Variants in KIF26B observed in about 807,000 individuals in gnomAD.
KIF26B encodes the protein kinesin-like protein KIF26B.
A neutral mutation model predicts 151.2 loss-of-function variants in KIF26B; 63 were observed. The observed-to-expected ratio is 0.42, with a 90% CI of 0.34 to 0.51. The LOEUF (loss-of-function observed/expected upper bound fraction) is 0.51, where lower values mean the gene tolerates loss of function less well. Among genes scored for constraint, KIF26B ranks in the 20% least tolerant of loss-of-function variants. The probability of loss-of-function intolerance (pLI) is 0.07; values close to 1 mark genes in which losing one functional copy is unlikely to be tolerated. For synonymous variants in KIF26B, 1,357 were observed against 1,262.1 expected (o/e 1.08, Z -1.59); for missense variants, 2,813 against 2,913.6 (o/e 0.97, Z 0.79).
intron 5 of KIF26B, among the ~76,000 whole-genome samples, chr1:245,545,585 G>A (rs187938052): frequency 9.2e-5 from 14 of 152,226 alleles, no homozygotes; most frequent in Non-Finnish European, 1.8e-4. Context: ...TCTGATTTAA[G>A]GAAAAATCAG....
intron 10 of KIF26B, among the ~76,000 whole-genome samples, chr1:245,680,565 T>C (rs558703860): frequency 3.5e-4 from 54 of 152,154 alleles, no homozygotes; most frequent in Non-Finnish European, 6.2e-4. Context: ...CGATGTTCTC[T>C]CTCAATTCTG....
chr1:245,168,228 T>A (rs1236274926), intron 2 of KIF26B, among the ~76,000 whole-genome samples: 1 of 152,210 alleles, frequency 6.6e-6, no homozygotes, highest in Non-Finnish European at 1.5e-5. Flanking sequence ...GAAGCTGTTC[T>A]GTGGGCTGCC....
At chr1:245,254,495 A>G (rs975852449) in intron 2 of KIF26B, among the ~76,000 whole-genome samples, 2 of 152,152 alleles carry the variant, frequency 1.3e-5, no homozygotes, top group Non-Finnish European at 2.9e-5. Context: ...TTTTCGAATG[A>G]TGACTTATTT....
chr1:245,684,422 G>A, intron 11 of KIF26B, 27 bp downstream of exon 11: 1 of 1,552,148 alleles, frequency 6.4e-7, no homozygotes, highest in Non-Finnish European at 8.7e-7. Flanking sequence ...GTGGGGGGGT[G>A]GTGGATGAGG....
intron 2 of KIF26B, among the ~76,000 whole-genome samples, chr1:245,319,115 G>A (rs768193207): frequency 3.3e-5 from 5 of 152,172 alleles, no homozygotes; most frequent in Admixed American, 2.6e-4. Flanking sequence ...TTTCCTTTAA[G>A]TTACAGCTCC....
chr1:245,401,949 C>G (rs575567038), intron 3 of KIF26B, among the ~76,000 whole-genome samples: 1 of 151,706 alleles, frequency 6.6e-6, no homozygotes, highest in South Asian at 2.1e-4. Context: ...ACAACAACAA[C>G]AAAAAAAACA....
At chr1:245,435,128 TACCC>T (rs1293384265) in intron 4 of KIF26B, among the ~76,000 whole-genome samples, 253 of 118,740 alleles carry the variant, frequency 2.1e-3, no homozygotes, top group African/African-American at 7.7e-3. Context: ...TCTCTCCATC[TACCC>T]ATCCATCCAT....
intron 2 of KIF26B, among the ~76,000 whole-genome samples, chr1:245,169,262 C>G: frequency 6.6e-6 from 1 of 151,702 alleles, no homozygotes; most frequent in East Asian, 1.9e-4. Context: ...GACATTCTAC[C>G]CTTTATTTCT....
chr1:245,277,223 C>A (rs1670955625), intron 2 of KIF26B, among the ~76,000 whole-genome samples: 1 of 152,170 alleles, frequency 6.6e-6, no homozygotes, highest in Non-Finnish European at 1.5e-5. Flanking sequence ...TCTAAGCCAG[C>A]AGGCTTGTGG....
intron 4 of KIF26B, among the ~76,000 whole-genome samples, chr1:245,462,771 G>C (rs1659678443): frequency 6.6e-6 from 1 of 152,156 alleles, no homozygotes; most frequent in Non-Finnish European, 1.5e-5. Flanking sequence ...GCTGGGATTT[G>C]GGCTCCAGGT....
At chr1:245,583,492 T>C (rs1341358936) in intron 5 of KIF26B, among the ~76,000 whole-genome samples, 1 of 152,204 alleles carries the variant, frequency 6.6e-6, no homozygotes, top group Non-Finnish European at 1.5e-5. Flanking sequence ...AAGCCTGACC[T>C]TGACCTGCTG....
chr1:245,261,940 C>T (rs954643122), intron 2 of KIF26B, among the ~76,000 whole-genome samples: 4 of 152,092 alleles, frequency 2.6e-5, no homozygotes, highest in Non-Finnish European at 2.9e-5. Flanking sequence ...TGGGAGATAC[C>T]GATGGCCCCT....
At chr1:245,300,551 CAG>C (rs1671412559) in intron 2 of KIF26B, among the ~76,000 whole-genome samples, 1 of 147,948 alleles carries the variant, frequency 6.8e-6, no homozygotes, top group South Asian at 2.1e-4. Context: ...TTTTTTGAGG[CAG>C]AGTCTTGCTC....
At chr1:245,676,976 T>C (rs1471001707) in intron 10 of KIF26B, among the ~76,000 whole-genome samples, 1 of 152,120 alleles carries the variant, frequency 6.6e-6, no homozygotes, top group Non-Finnish European at 1.5e-5. Context: ...GAAGAACGCG[T>C]CTCTCCCACG....
At chr1:245,184,405 G>T (rs1019291624) in intron 2 of KIF26B, among the ~76,000 whole-genome samples, 3 of 152,176 alleles carry the variant, frequency 2.0e-5, no homozygotes, top group Middle Eastern at 3.4e-3. Flanking sequence ...TCCTGGGTTG[G>T]CTTTAGACTC....
Position 245,167,920 on chromosome 1 carries a change from G to A in KIF26B, c.465+11237G>A, listed in dbSNP as rs1668640836. On this transcript the variant is annotated intron_variant, in intron 2 of 14. Coordinates refer to ENST00000407071, the MANE Select transcript of KIF26B (RefSeq NM_018012.4). The surrounding 1 kb of genome is among the most constrained non-coding windows in gnomAD (Gnocchi z 4.2). ...GGGCGAGGAAACAAAGAAATGGGTG[G>A]TATACGCATCCAAGGTTGTCTACAA... Among the ~76,000 whole-genome samples, 1 of 152,126 alleles carries A rather than the reference G, an allele frequency of 6.6e-6. No homozygotes were observed. Among genetic ancestry groups the A allele is most frequent in the Admixed American group, 6.5e-5 (1 of 15,268 alleles).
chr1:245,370,458 A>T (rs1373473746), intron 3 of KIF26B: 1 of 322,262 alleles, frequency 3.1e-6, no homozygotes, highest in African/African-American at 2.2e-5. Context: ...GGTCTTTGCT[A>T]CTATAAATAC....
rs1469137088 is a variant in KIF26B, at chr1:245,184,047, G to GTTTTTTTTTT, written c.465+27366_465+27367insTTTTTTTTTT. On this transcript the variant is annotated intron_variant, in intron 2 of 14. Coordinates refer to ENST00000407071, the MANE Select transcript of KIF26B (RefSeq NM_018012.4). The stretch of plus-strand genomic sequence containing the variant: ...CCTGCAACAGGTATGGGTGGGAGTT[G>GTTTTTTTTTT]TTGTTTTTTTTTTTTTTTTTTTGAG... Among the ~76,000 whole-genome samples the GTTTTTTTTTT allele has an allele frequency of 2.4e-3, 22 of 9,220 alleles. 1 individual carries two copies. The highest frequency in any genetic ancestry group is 2.9e-3 in the Non-Finnish European group (13 of 4,492). 6.0% of individuals were successfully genotyped at this position (9,220 alleles called of 152,430 possible).
intron 3 of KIF26B, among the ~76,000 whole-genome samples, chr1:245,406,633 T>C (rs1674141333): frequency 6.6e-6 from 1 of 152,190 alleles, no homozygotes; most frequent in African/African-American, 2.4e-5. Context: ...CCAGCTAATC[T>C]AATTTCAGTC....
Sources: gnomAD v4.1 joint callset for allele counts (sites outside exome capture counted in the v4.1 genomes callset) on GRCh38, gnomAD v4.1.1 for gene constraint, Gnocchi (gnomAD v3.1) non-coding constraint, MANE v1.5 for transcripts, NCBI Gene and HGNC (gene_info 2026-07-23, HGNC 2026-07-21) for gene names.